CFAP251: variants seen among roughly 807,000 people sequenced by gnomAD.
CFAP251 encodes the protein cilia- and flagella-associated protein 251.
In CFAP251, 93 loss-of-function variants were observed where a neutral mutation model predicts 126.7. That is an observed-to-expected ratio of 0.73 (90% CI 0.62 to 0.87). The LOEUF (loss-of-function observed/expected upper bound fraction) is 0.87, where lower values mean the gene tolerates loss of function less well. Among genes scored for constraint, CFAP251 ranks in the 40% least tolerant of loss-of-function variants. CFAP251 has a pLI of 0.00. For synonymous variants in CFAP251, 503 were observed against 506.9 expected (o/e 0.99, Z 0.10); for missense variants, 1,287 against 1,389.2 (o/e 0.93, Z 1.17).
At chr12:121,998,943 C>A (rs1192241147) in intron 19 of CFAP251, 3 of 143,940 alleles carry the variant, frequency 2.1e-5, no homozygotes, top group African/African-American at 8.0e-5. Context: ...GAGTGGACAT[C>A]CTTGTCTTTT....
chr12:121,957,791 T>C (rs1006890152), intron 11 of CFAP251, among the ~76,000 whole-genome samples: 1 of 151,982 alleles, frequency 6.6e-6, no homozygotes, highest in African/African-American at 2.4e-5. Context: ...TGATCCCTGA[T>C]CTCTCACCTC....
chr12:121,977,783 A>G (rs185305914), intron 19 of CFAP251, among the ~76,000 whole-genome samples: 2,992 of 145,698 alleles, frequency 0.021, 38 homozygotes, highest in African/African-American at 0.032. Flanking sequence ...GTGAAACCCC[A>G]TCTCTATGAA....
Position 121,975,228 on chromosome 12 carries a change from T to C in CFAP251, c.2772-16T>C, listed in dbSNP as rs1306329890. The C allele has an allele frequency of 6.2e-7, 1 of 1,612,000 alleles. No individual in the cohort carries two copies. The highest frequency in any genetic ancestry group is 8.5e-7 in the Non-Finnish European group (1 of 1,178,568). ...TTGAGCGCTTTCTAATAGAGACATT[T>C]CTGTTGTTGTTCCAGTGTCCTGGAG... On this transcript the variant is annotated splice_polypyrimidine_tract_variant and intron_variant, in intron 17 of 21. Coordinates refer to ENST00000288912, the MANE Select transcript of CFAP251 (RefSeq NM_144668.6).
At chr12:121,993,031 G>A (rs1174879113) in intron 19 of CFAP251, among the ~76,000 whole-genome samples, 25 of 137,322 alleles carry the variant, frequency 1.8e-4, no homozygotes, top group African/African-American at 5.1e-4. Context: ...ATGCGGAGCC[G>A]AAGCTGGACT....
At chr12:121,973,802 C>T (rs1488235748) in intron 17 of CFAP251, among the ~76,000 whole-genome samples, 1 of 152,178 alleles carries the variant, frequency 6.6e-6, no homozygotes, top group African/African-American at 2.4e-5. Context: ...AATTTTGGTA[C>T]CTCCATTCTA....
At chr12:121,975,999 T>C (rs1203166037) in intron 19 of CFAP251, among the ~76,000 whole-genome samples, 2 of 151,462 alleles carry the variant, frequency 1.3e-5, no homozygotes, top group Non-Finnish European at 2.9e-5. Context: ...ACCAGCCTCG[T>C]AGGATTTTTT....
At chr12:121,947,381 A>T (rs756964552) in intron 7 of CFAP251, among the ~76,000 whole-genome samples, 1 of 152,156 alleles carries the variant, frequency 6.6e-6, no homozygotes, top group Admixed American at 6.5e-5. Context: ...AATAACCCCA[A>T]TGCTCGGATC....
In CFAP251 at chr12:121,920,466, G is replaced by A. The variant is rs1175044147; in HGVS notation, c.-20-820G>A. ...GGCTGGAGTGCAGTGGCACGATCTC[G>A]GCTCACTGCAAGCTCCGCCTCCCGG... On this transcript the variant is annotated intron_variant, in intron 1 of 21. Transcript: ENST00000288912. 1.0e-4 allele frequency among the ~76,000 whole-genome samples: 15 copies of A among 150,274 alleles called. No individual in the cohort carries two copies. In the South Asian group the frequency reaches 2.7e-3, roughly 27 times the overall value.
chr12:121,967,896 A>G (rs1378478111), intron 16 of CFAP251, 110 bp from the exon 17 acceptor site: 1 of 1,004,974 alleles, frequency 1.0e-6, no homozygotes, highest in African/African-American at 1.6e-5. Context: ...ATGGGTCCAG[A>G]CACACAGGTC....
At chr12:121,969,653 C>A (rs7294535) in intron 17 of CFAP251, 43,727 of 835,452 alleles carry the variant, frequency 0.052, 1,282 homozygotes, top group African/African-American at 0.098. Flanking sequence ...GCCTGGCTAA[C>A]TTTAAAAAAA....
At chr12:121,961,047 A>G (rs830127) in intron 14 of CFAP251, among the ~76,000 whole-genome samples, 1 of 152,092 alleles carries the variant, frequency 6.6e-6, no homozygotes, top group Non-Finnish European at 1.5e-5. Context: ...CTTGCCTCCC[A>G]GTGTGCACGG....
intron 19 of CFAP251, among the ~76,000 whole-genome samples, chr12:121,990,541 T>C (rs1263813332): frequency 6.6e-6 from 1 of 152,120 alleles, no homozygotes; most frequent in African/African-American, 2.4e-5. Flanking sequence ...TCCTCTGACC[T>C]CCTACTGGCC....
intron 3 of CFAP251, among the ~76,000 whole-genome samples, 158 bp from the exon 4 acceptor site, chr12:121,931,588 C>T (rs1172860031): frequency 6.6e-6 from 1 of 152,222 alleles, no homozygotes; most frequent in African/African-American, 2.4e-5. Context: ...GCTGGGATTA[C>T]AGGCATGAGC....
intron 18 of CFAP251, 33 bp from the exon 19 acceptor site, chr12:121,975,509 T>C (rs1357976875): frequency 6.2e-7 from 1 of 1,604,004 alleles, no homozygotes; most frequent in South Asian, 1.1e-5. Context: ...TAAGCCTAAA[T>C]GTGTGTTGTG....
intron 3 of CFAP251, among the ~76,000 whole-genome samples, chr12:121,930,540 CATAA>C (rs1462035058): frequency 1.3e-5 from 2 of 151,946 alleles, no homozygotes; most frequent in Non-Finnish European, 2.9e-5. Context: ...AAAACTAGTA[CATAA>C]ATAAACTAGT....
chr12:121,937,957 A>G (rs962233964), intron 5 of CFAP251, among the ~76,000 whole-genome samples: 3 of 152,100 alleles, frequency 2.0e-5, no homozygotes, highest in Admixed American at 1.3e-4. Context: ...ATCACAGTAC[A>G]TTGTATGGAT....
intron 15 of CFAP251, among the ~76,000 whole-genome samples, chr12:121,963,224 C>T (rs1406347858): frequency 1.3e-5 from 2 of 152,052 alleles, no homozygotes; most frequent in African/African-American, 2.4e-5. Flanking sequence ...TATATCCTGC[C>T]GGCAAAGCGA....
chr12:121,927,203 T>TA (rs397850868), intron 3 of CFAP251, among the ~76,000 whole-genome samples: 1 of 151,730 alleles, frequency 6.6e-6, no homozygotes, highest in African/African-American at 2.4e-5. Context: ...TTTTTTTTTT[T>TA]ACCGGTGAGA....
At chr12:121,991,876 C>T (rs1882882913) in intron 19 of CFAP251, among the ~76,000 whole-genome samples, 1 of 152,042 alleles carries the variant, frequency 6.6e-6, no homozygotes, top group African/African-American at 2.4e-5. Context: ...GCCTGTAGTC[C>T]CAGCTACTTG....
Sources: allele counts gnomAD v4.1 joint callset (sites outside exome capture counted in the v4.1 genomes callset), GRCh38; gene constraint gnomAD v4.1.1; transcripts MANE v1.5; gene names NCBI Gene and HGNC (gene_info 2026-07-23, HGNC 2026-07-21).